CD3G: variants seen among roughly 807,000 people sequenced by gnomAD.
CD3G encodes CD3 gamma subunit of T-cell receptor complex.
In CD3G, 24 loss-of-function variants were observed where a neutral mutation model predicts 28.3. That is an observed-to-expected ratio of 0.85 (90% CI 0.61 to 1.19). The LOEUF (loss-of-function observed/expected upper bound fraction) is 1.19, where lower values mean the gene tolerates loss of function less well. Among genes scored for constraint, CD3G ranks in the 50% most tolerant of loss-of-function variants. CD3G has a pLI of 0.00. For synonymous variants in CD3G, 71 were observed against 75.9 expected (o/e 0.93, Z 0.34); for missense variants, 211 against 210.0 (o/e 1.00, Z -0.03).
chr11:118,346,403 C>T (rs779147138), intron 1 of CD3G, among the ~76,000 whole-genome samples: 3 of 151,958 alleles, frequency 2.0e-5, no homozygotes, highest in Non-Finnish European at 2.9e-5. Context: ...TGCCACTGCA[C>T]TCCAGCCTGG....
intron 1 of CD3G, among the ~76,000 whole-genome samples, chr11:118,346,835 A>C (rs1242872046): frequency 3.3e-5 from 5 of 151,820 alleles, no homozygotes; most frequent in Non-Finnish European, 1.5e-5. Flanking sequence ...AAAAAAAAAA[A>C]AAAAACTATG....
At chr11:118,350,507 A>G in intron 3 of CD3G, 45 bp from the exon 4 acceptor site, 1 of 1,476,252 alleles carries the variant, frequency 6.8e-7, no homozygotes. Context: ...AACCAGGAAA[A>G]ACAACTTTCG....
chr11:118,350,993 C>A, intron 4 of CD3G: 1 of 578,320 alleles, frequency 1.7e-6, no homozygotes, highest in Non-Finnish European at 2.5e-6. Context: ...TCGAGACCAT[C>A]CTGGCTAGCA....
rs1948429265 is a variant in CD3G, at chr11:118,353,728, G to T, written c.*628G>T. The stretch of plus-strand genomic sequence containing the variant: ...GTATTTTTAGTAGAGACAGGGTTTT[G>T]CTCTGTTGGCCAAGCTGGTCTCGAA... On this transcript the variant is annotated 3_prime_UTR_variant, in exon 7 of 7. Transcript: ENST00000532917. The T allele has an allele frequency of 6.6e-6, 1 of 151,644 alleles. No individual in the cohort carries two copies. The highest frequency in any genetic ancestry group is 6.6e-5 in the Admixed American group (1 of 15,180). 9.4% of individuals were successfully genotyped at this position (151,644 alleles called of 1,614,324 possible).
chr11:118,349,413 T>A (rs1948385098), intron 2 of CD3G: 1 of 811,230 alleles, frequency 1.2e-6, no homozygotes. Context: ...CATCATCTGG[T>A]ATGCTGTTAG....
At chr11:118,346,086 T>C (rs1318677390) in intron 1 of CD3G, among the ~76,000 whole-genome samples, 3 of 152,164 alleles carry the variant, frequency 2.0e-5, no homozygotes, top group Admixed American at 1.3e-4. Flanking sequence ...CAATGAGCTA[T>C]GTGTACTTGA....
chr11:118,350,889 G>GAAAAAA lies in CD3G; in HGVS notation c.439+215_439+220dup, dbSNP rs372079196. 314 of 631,960 alleles carry GAAAAAA rather than the reference G, an allele frequency of 5.0e-4. 7 individuals are homozygous for GAAAAAA. Among genetic ancestry groups the GAAAAAA allele is most frequent in the Middle Eastern group, 2.9e-3 (4 of 1,372 alleles). 39.1% of individuals were successfully genotyped at this position (631,960 alleles called of 1,614,324 possible). A position where few individuals can be genotyped will look rare whatever the true frequency, so the allele number is the denominator to read the frequency against. On this transcript the variant is annotated intron_variant, in intron 4 of 6. Coordinates refer to ENST00000532917, the MANE Select transcript of CD3G (RefSeq NM_000073.3). ...TGTCTCAAGATACAGCTCCCTCTGT[G>GAAAAAA]AAAAAAAAAAAAAACAAAAACAGGC...
intron 1 of CD3G, among the ~76,000 whole-genome samples, chr11:118,348,586 T>C (rs746218423): frequency 3.9e-5 from 6 of 152,288 alleles, no homozygotes; most frequent in African/African-American, 7.2e-5. Context: ...ATAGGCATGA[T>C]TGATTGAATC....
intron 1 of CD3G, among the ~76,000 whole-genome samples, chr11:118,346,836 A>C (rs973300056): frequency 7.9e-5 from 12 of 151,856 alleles, no homozygotes; most frequent in Non-Finnish European, 1.3e-4. Flanking sequence ...AAAAAAAAAA[A>C]AAAACTATGT....
In CD3G at chr11:118,349,358, T is replaced by C. The variant is rs1329429241; in HGVS notation, c.79+308T>C. 3 of 1,184,476 alleles carry C rather than the reference T, an allele frequency of 2.5e-6. No homozygotes were observed. The East Asian group carries it at 9.3e-5, about 37-fold the overall frequency. The allele number at this position is 1,184,476 out of a possible 1,614,324, so 73.4% of individuals were successfully genotyped here. A position where few individuals can be genotyped will look rare whatever the true frequency, so the allele number is the denominator to read the frequency against. On this transcript the variant is annotated intron_variant, in intron 2 of 6. Coordinates refer to ENST00000532917, the MANE Select transcript of CD3G (RefSeq NM_000073.3). ...CACCTGGGATCCTGACGTTAGTCTCTGTCAATCCTTCTCTTTAGTTCATCT... is the reference window on the plus strand; with the variant it reads ...CACCTGGGATCCTGACGTTAGTCTCCGTCAATCCTTCTCTTTAGTTCATCT...
rs1948383880 is a variant in CD3G, at chr11:118,349,286, AG to A, written c.79+239del. ...CAGGAGAAGCAGGACCCTAGTAGCT[AG>A]GGACACATCTCAAACTGTGACCCAT... On this transcript the variant is annotated intron_variant, in intron 2 of 6. Coordinates refer to ENST00000532917, the MANE Select transcript of CD3G (RefSeq NM_000073.3). The A allele has an allele frequency of 9.8e-6, 14 of 1,434,316 alleles. No individual in the cohort carries two copies. In the South Asian group the frequency reaches 1.8e-4, roughly 19 times the overall value. The allele number at this position is 1,434,316 out of a possible 1,614,324, so 88.8% of individuals were successfully genotyped here. A position where few individuals can be genotyped will look rare whatever the true frequency, so the allele number is the denominator to read the frequency against.
intron 5 of CD3G, among the ~76,000 whole-genome samples, chr11:118,351,967 C>T (rs1247992402): frequency 1.3e-5 from 2 of 152,156 alleles, no homozygotes; most frequent in Non-Finnish European, 2.9e-5. Context: ...AATCCCAGCA[C>T]TTTGGGAAGC....
intron 4 of CD3G, among the ~76,000 whole-genome samples, chr11:118,351,402 TAAC>T (rs1033469887): frequency 6.6e-6 from 1 of 152,164 alleles, no homozygotes; most frequent in Non-Finnish European, 1.5e-5. Context: ...TCCTGACTTC[TAAC>T]AACAAGGATT....
intron 4 of CD3G, 41 bp downstream of exon 4, chr11:118,350,724 A>C (rs1446005009): frequency 3.7e-6 from 6 of 1,612,812 alleles, no homozygotes; most frequent in Non-Finnish European, 5.1e-6. Flanking sequence ...ACCACCTGAG[A>C]CCCTCAGCTT....
chr11:118,345,554 G>A (rs1375741752), intron 1 of CD3G, among the ~76,000 whole-genome samples: 1 of 152,148 alleles, frequency 6.6e-6, no homozygotes, highest in African/African-American at 2.4e-5. Flanking sequence ...CTGGGTGGTA[G>A]GTAGAGGAGG....
intron 5 of CD3G, among the ~76,000 whole-genome samples, 178 bp from the exon 6 acceptor site, chr11:118,352,226 A>G (rs189760198): frequency 6.9e-4 from 105 of 151,912 alleles, no homozygotes; most frequent in Admixed American, 3.5e-3. Flanking sequence ...AAAAAAAAAA[A>G]AGAGAGAGAG....
intron 1 of CD3G, among the ~76,000 whole-genome samples, chr11:118,345,507 A>G (rs1224434816): frequency 6.6e-6 from 1 of 152,198 alleles, no homozygotes; most frequent in East Asian, 1.9e-4. Context: ...AGTGTAGACT[A>G]TTCTTTAAAG....
intron 4 of CD3G, 131 bp from the exon 5 acceptor site, chr11:118,351,497 T>G (rs2134071910): frequency 1.2e-6 from 1 of 807,550 alleles, no homozygotes; most frequent in Admixed American, 2.1e-5. Context: ...CTCAACAACA[T>G]GTTTATGTGC....
At chr11:118,348,508 C>G (rs565968577) in intron 1 of CD3G, among the ~76,000 whole-genome samples, 1 of 152,346 alleles carries the variant, frequency 6.6e-6, no homozygotes, top group East Asian at 1.9e-4. Flanking sequence ...CTCTCCCACA[C>G]TCTGCCAGCA....
Sources: allele counts gnomAD v4.1 joint callset (sites outside exome capture counted in the v4.1 genomes callset), GRCh38; gene constraint gnomAD v4.1.1; transcripts MANE v1.5; gene names NCBI Gene and HGNC (gene_info 2026-07-23, HGNC 2026-07-21).